RBFOX1: variants seen among roughly 807,000 people sequenced by gnomAD.
RBFOX1 encodes RNA binding fox-1 homolog 1, also known as RNA binding protein fox-1 homolog 1.
Under a neutral mutation model 57.7 loss-of-function variants are expected in RBFOX1, and 8 were observed. That is an observed-to-expected ratio of 0.14 (90% CI 0.08 to 0.25). The LOEUF is 0.25. Ranked by LOEUF, RBFOX1 falls within the 10% of genes least tolerant of loss-of-function variation. The probability of loss-of-function intolerance (pLI) is 1.00; values close to 1 mark genes in which losing one functional copy is unlikely to be tolerated. For missense variants in RBFOX1, 611 were observed against 548.5 expected, an observed-to-expected ratio of 1.11 and a Z score of -1.14; for synonymous variants, 326 against 222.4, an observed-to-expected ratio of 1.47 and a Z score of -4.15.
intron 3 of RBFOX1, among the ~76,000 whole-genome samples, chr16:5,813,226 T>C (rs959175601): frequency 1.3e-5 from 2 of 152,186 alleles, no homozygotes; most frequent in Non-Finnish European, 2.9e-5. Flanking sequence ...GAGGCTGGTC[T>C]TGAACTCCTA....
chr16:5,613,377 C>T (rs536662945), intron 3 of RBFOX1, among the ~76,000 whole-genome samples: 24 of 152,084 alleles, frequency 1.6e-4, no homozygotes, highest in African/African-American at 4.3e-4. Flanking sequence ...TATTTCTGTA[C>T]GTGGGTGCAA....
intron 2 of RBFOX1, among the ~76,000 whole-genome samples, chr16:5,547,899 C>A (rs372618437): frequency 1.1e-4 from 16 of 151,902 alleles, no homozygotes; most frequent in South Asian, 8.3e-4. Flanking sequence ...GTGGCTCATG[C>A]CTGTAATCCT....
chr16:6,875,549 G>C (rs2153277329), intron 3 of RBFOX1, among the ~76,000 whole-genome samples: 1 of 152,316 alleles, frequency 6.6e-6, no homozygotes, highest in Admixed American at 6.5e-5. Flanking sequence ...GTTTATGTCT[G>C]AAGCAAGGCC....
At chr16:6,140,656 G>C (rs2096708854) in intron 1 of RBFOX1, among the ~76,000 whole-genome samples, 1 of 152,110 alleles carries the variant, frequency 6.6e-6, no homozygotes. Context: ...CTTCCCTCCT[G>C]TCTGTGTAAC....
chr16:7,535,270 C>T (rs191900429), intron 5 of RBFOX1, among the ~76,000 whole-genome samples: 55 of 152,294 alleles, frequency 3.6e-4, no homozygotes, highest in African/African-American at 1.3e-3. Context: ...CTCAGGGCTG[C>T]TGGGCTTACG....
intron 1 of RBFOX1, among the ~76,000 whole-genome samples, chr16:6,252,950 C>G (rs915587863): frequency 6.6e-6 from 1 of 152,030 alleles, no homozygotes; most frequent in African/African-American, 2.4e-5. Context: ...AGGTAATATG[C>G]TAGACTACTT....
intron 4 of RBFOX1, among the ~76,000 whole-genome samples, chr16:7,363,574 G>T (rs1311214937): frequency 6.6e-6 from 1 of 152,134 alleles, no homozygotes; most frequent in African/African-American, 2.4e-5. Flanking sequence ...GGGTCGCCTG[G>T]CTTTTAAGGC....
intron 4 of RBFOX1, among the ~76,000 whole-genome samples, chr16:7,286,692 C>T (rs1228452318): frequency 4.1e-5 from 6 of 144,836 alleles, no homozygotes; most frequent in Non-Finnish European, 7.4e-5. Context: ...GGCGAGATCT[C>T]GGGTCACTGC....
chr16:7,211,949 C>A (rs1228743289), intron 4 of RBFOX1, among the ~76,000 whole-genome samples: 3 of 152,124 alleles, frequency 2.0e-5, no homozygotes, highest in Non-Finnish European at 4.4e-5. Context: ...TTTCCTCTCA[C>A]CCCTACTCCC....
At chr16:7,093,601 A>G (rs1168396090) in intron 4 of RBFOX1, among the ~76,000 whole-genome samples, 2 of 152,192 alleles carry the variant, frequency 1.3e-5, no homozygotes, top group Non-Finnish European at 2.9e-5. Context: ...TTAGAGGGAA[A>G]CTGGATGGAT....
chr16:7,228,055 C>G (rs62017363), intron 4 of RBFOX1, among the ~76,000 whole-genome samples: 42,449 of 151,988 alleles, frequency 0.28, 7,596 homozygotes, highest in East Asian at 0.67. Context: ...CGACTTTCTC[C>G]TGATACTGCC....
chr16:5,724,356 C>T (rs1468777136), intron 3 of RBFOX1, among the ~76,000 whole-genome samples: 1 of 152,108 alleles, frequency 6.6e-6, no homozygotes, highest in East Asian at 1.9e-4. Context: ...GGAGATTATG[C>T]TGGGGCTCTG....
chr16:7,062,260 G>C (rs2054552786), intron 4 of RBFOX1, among the ~76,000 whole-genome samples: 1 of 140,064 alleles, frequency 7.1e-6, no homozygotes, highest in African/African-American at 2.7e-5. Context: ...TGAGGTTGCA[G>C]TGAGCCGAGA....
intron 1 of RBFOX1, among the ~76,000 whole-genome samples, chr16:6,061,810 C>T (rs1281138958): frequency 6.6e-6 from 1 of 152,128 alleles, no homozygotes; most frequent in East Asian, 1.9e-4. Context: ...ACCAGTTCTC[C>T]AGCAGATACC....
intron 3 of RBFOX1, among the ~76,000 whole-genome samples, chr16:7,012,082 A>G (rs2093679794): frequency 1.3e-5 from 2 of 152,194 alleles, no homozygotes; most frequent in Admixed American, 1.3e-4. Flanking sequence ...GGTCAGACGT[A>G]TGGAGTCACC....
At chr16:7,095,680 G>A (rs1292208234) in intron 4 of RBFOX1, among the ~76,000 whole-genome samples, 1 of 152,118 alleles carries the variant, frequency 6.6e-6, no homozygotes, top group East Asian at 1.9e-4. Context: ...TAAGGTCTTG[G>A]TTGATCACTC....
At chr16:7,523,085 A>T (rs964385017) in intron 5 of RBFOX1, among the ~76,000 whole-genome samples, 1 of 152,160 alleles carries the variant, frequency 6.6e-6, no homozygotes. Flanking sequence ...AGTAACCTCA[A>T]ACATTATGTG....
chr16:7,178,214 C>T (rs922489879), intron 4 of RBFOX1, among the ~76,000 whole-genome samples: 1 of 152,244 alleles, frequency 6.6e-6, no homozygotes, highest in Non-Finnish European at 1.5e-5. Flanking sequence ...AAACTTTCCT[C>T]CACACAGTGA....
Position 6,228,722 on chromosome 16 carries a change from G to T in RBFOX1, c.-126-88273G>T, listed in dbSNP as rs143126895. ...AGGTAGGCGGGAGGAGTAAGTTCAA[G>T]AGATCTATTGTACAATATGGAGAAA... On this transcript the variant is annotated intron_variant, in intron 1 of 15. Transcript: ENST00000550418. 9.1e-3 allele frequency among the ~76,000 whole-genome samples: 1,386 copies of T among 152,240 alleles called. 14 individuals carry two copies. Among genetic ancestry groups the T allele is most frequent in the African/African-American group, 0.029 (1,210 of 41,536 alleles).
Sources: gnomAD v4.1 joint callset for allele counts (sites outside exome capture counted in the v4.1 genomes callset) on GRCh38, gnomAD v4.1.1 for gene constraint, MANE v1.5 for transcripts, NCBI Gene and HGNC (gene_info 2026-07-23, HGNC 2026-07-21) for gene names.